Variants in STAU1 observed in about 807,000 individuals in gnomAD.
STAU1 encodes the protein double-stranded RNA-binding protein Staufen homolog 1.
In STAU1, 13 loss-of-function variants were observed where a neutral mutation model predicts 62.9. That is an observed-to-expected ratio of 0.21 (90% CI 0.13 to 0.33). The LOEUF (loss-of-function observed/expected upper bound fraction) is 0.33, where lower values mean the gene tolerates loss of function less well. Among genes scored for constraint, STAU1 ranks in the 10% least tolerant of loss-of-function variants. The pLI is 1.00. For synonymous variants in STAU1, 269 were observed against 265.1 expected (o/e 1.01, Z -0.14); for missense variants, 571 against 712.1 (o/e 0.80, Z 2.25).
rs2092508301 is a variant in STAU1, at chr20:49,123,191, G to A, written c.867C>T (p.Ser289=). The A allele has an allele frequency of 1.2e-6, 2 of 1,614,160 alleles. No individual in the cohort carries two copies. Among genetic ancestry groups the A allele is most frequent in the South Asian group, 2.2e-5 (2 of 91,082 alleles). ...TTGCCTGCTGGATCTGGGCCAGTCG[G>A]CTAATCGGATTGATCCCCTGGCCAT... ...PEYGQGINPI[S]RLAQIQQAKK... Residue 289 remains serine, a synonymous_variant, in exon 8 of 14, where the codon AGC becomes AGT. Coordinates refer to ENST00000371856, the MANE Select transcript of STAU1 (RefSeq NM_017453.4).
chr20:49,196,525 G>A, the STAU1 span, among the ~76,000 whole-genome samples: 1 of 151,574 alleles, frequency 6.6e-6, no homozygotes, highest in African/African-American at 2.4e-5. Context: ...GGCAGCTCAC[G>A]CCTGTAATCC....
chr20:49,157,892 G>C (rs565295447), intron 3 of STAU1, among the ~76,000 whole-genome samples: 1 of 152,146 alleles, frequency 6.6e-6, no homozygotes, highest in Non-Finnish European at 1.5e-5. Context: ...CAAAGTGATA[G>C]GATTTAAGGC....
At chr20:49,190,303 G>T (rs2093829535), upstream of STAU1, among the ~76,000 whole-genome samples, 2 of 151,532 alleles carry the variant, frequency 1.3e-5, no homozygotes, top group South Asian at 4.2e-4. Flanking sequence ...TTTTTTTCTT[G>T]AGACAGGGTC....
At chr20:49,121,807 C>T (rs168345) in intron 8 of STAU1, among the ~76,000 whole-genome samples, 130,366 of 152,126 alleles carry the variant, frequency 0.86, 56,329 homozygotes, top group African/African-American at 0.93. Context: ...CGAAGAAGAG[C>T]TGGTTGTTAA....
At chr20:49,197,268 A>G in the STAU1 span, among the ~76,000 whole-genome samples, 1 of 151,726 alleles carries the variant, frequency 6.6e-6, no homozygotes, top group Non-Finnish European at 1.5e-5. Context: ...TTAAGAAAAA[A>G]AAAAAAAACG....
the STAU1 span, among the ~76,000 whole-genome samples, chr20:49,208,865 G>A: frequency 6.6e-6 from 1 of 151,382 alleles, no homozygotes; most frequent in Non-Finnish European, 1.5e-5. Flanking sequence ...CTCCTGATCC[G>A]CCTGCCTCGG....
intron 6 of STAU1, among the ~76,000 whole-genome samples, chr20:49,133,250 C>G (rs1364865813): frequency 6.6e-6 from 1 of 152,190 alleles, no homozygotes; most frequent in Non-Finnish European, 1.5e-5. Flanking sequence ...ATAGCAATCT[C>G]TAAGTTTCCA....
the STAU1 span, among the ~76,000 whole-genome samples, chr20:49,204,644 A>AT: frequency 7.2e-4 from 30 of 41,432 alleles, no homozygotes; most frequent in African/African-American, 3.0e-3. Flanking sequence ...ATATATATAT[A>AT]TATTTTTTTT....
At chr20:49,159,161 A>AC (rs1555857610) in intron 3 of STAU1, 2 of 1,081,990 alleles carry the variant, frequency 1.8e-6, no homozygotes, top group African/African-American at 1.7e-5. Flanking sequence ...AAAAAAAAAA[A>AC]CACACAAAGT....
intron 10 of STAU1, 96 bp from the exon 11 acceptor site, chr20:49,118,192 C>T (rs919964214): frequency 1.4e-5 from 20 of 1,386,830 alleles, no homozygotes; most frequent in East Asian, 4.6e-5. Flanking sequence ...CCCCTTGGCA[C>T]GCATGGCAGC....
chr20:49,115,727 A>T, intron 13 of STAU1, 55 bp downstream of exon 13: 1 of 1,473,660 alleles, frequency 6.8e-7, no homozygotes, highest in Non-Finnish European at 9.5e-7. Context: ...AACTCAACAC[A>T]AACGAGGGGC....
At chr20:49,170,800 A>AG in intron 2 of STAU1, among the ~76,000 whole-genome samples, 1 of 151,944 alleles carries the variant, frequency 6.6e-6, no homozygotes, top group East Asian at 1.9e-4. Flanking sequence ...AAAAAAAAAA[A>AG]AAGAAGGAAA....
At chr20:49,156,984 C>A (rs866819605) in intron 3 of STAU1, among the ~76,000 whole-genome samples, 1 of 151,742 alleles carries the variant, frequency 6.6e-6, no homozygotes, top group Admixed American at 6.6e-5. Flanking sequence ...TCAAGAAATT[C>A]TCCTGCCTCA....
chr20:49,169,777 C>T (rs2093573682), intron 2 of STAU1, among the ~76,000 whole-genome samples: 1 of 152,124 alleles, frequency 6.6e-6, no homozygotes, highest in African/African-American at 2.4e-5. Flanking sequence ...TGGTTCTTTC[C>T]CTATTTGAAG....
intron 1 of STAU1, among the ~76,000 whole-genome samples, chr20:49,182,850 A>C (rs1031101198): frequency 1.3e-5 from 2 of 152,020 alleles, no homozygotes; most frequent in African/African-American, 2.4e-5. Flanking sequence ...AAAAAAAAAA[A>C]AAAAATAGTA....
intron 3 of STAU1, among the ~76,000 whole-genome samples, chr20:49,161,123 A>C (rs901200067): frequency 2.0e-5 from 3 of 152,018 alleles, no homozygotes; most frequent in African/African-American, 7.2e-5. Context: ...ACTCAAAACA[A>C]GCCTGGGCAA....
chr20:49,169,705 T>A (rs562231773), intron 2 of STAU1, among the ~76,000 whole-genome samples: 1 of 152,330 alleles, frequency 6.6e-6, no homozygotes, highest in Admixed American at 6.5e-5. Context: ...TACTGTGAAT[T>A]GTGTTGTGCT....
At chr20:49,193,543 C>T in the STAU1 span, among the ~76,000 whole-genome samples, 21 of 152,206 alleles carry the variant, frequency 1.4e-4, no homozygotes, top group Admixed American at 9.2e-4. Flanking sequence ...TGATGGTGCC[C>T]ACCTGTAGTC....
At chr20:49,200,364 C>T in the STAU1 span, among the ~76,000 whole-genome samples, 6 of 152,024 alleles carry the variant, frequency 3.9e-5, no homozygotes, top group African/African-American at 4.8e-5. Flanking sequence ...TTTGGAAGGC[C>T]GACGCGGGCG....
Sources: allele counts gnomAD v4.1 joint callset (sites outside exome capture counted in the v4.1 genomes callset), GRCh38; gene constraint gnomAD v4.1.1; transcripts MANE v1.5; gene names NCBI Gene and HGNC (gene_info 2026-07-23, HGNC 2026-07-21).